Variants in TSHZ2 observed in about 807,000 individuals in gnomAD.
The protein encoded by TSHZ2 is teashirt zinc finger homeobox 2, also known as teashirt homolog 2.
Under a neutral mutation model 74.4 loss-of-function variants are expected in TSHZ2, and 21 were observed. The observed-to-expected ratio is 0.28, with a 90% CI of 0.20 to 0.41. The LOEUF (loss-of-function observed/expected upper bound fraction) is 0.41, where lower values mean the gene tolerates loss of function less well. Among genes scored for constraint, TSHZ2 ranks in the 10% least tolerant of loss-of-function variants. TSHZ2 has a pLI of 1.00. For missense variants in TSHZ2, 1,244 were observed against 1,293.5 expected (o/e 0.96, Z 0.59); for synonymous variants, 540 against 515.3 (o/e 1.05, Z -0.65).
intron 2 of TSHZ2, among the ~76,000 whole-genome samples, chr20:53,356,266 T>A (rs1252600518): frequency 6.6e-6 from 1 of 152,142 alleles, no homozygotes; most frequent in East Asian, 1.9e-4. Context: ...GTAAGGAAAG[T>A]GAGATACAAA....
At chr20:53,278,945 A>G (rs1990998494) in intron 2 of TSHZ2, among the ~76,000 whole-genome samples, 1 of 152,252 alleles carries the variant, frequency 6.6e-6, no homozygotes, top group African/African-American at 2.4e-5. Flanking sequence ...ATTGTTGACC[A>G]GAAGCCTTAC....
At chr20:53,238,371 AG>A (rs1213508082) in intron 1 of TSHZ2, among the ~76,000 whole-genome samples, 1 of 152,156 alleles carries the variant, frequency 6.6e-6, no homozygotes, top group Non-Finnish European at 1.5e-5. Flanking sequence ...GTGAGGACCA[AG>A]GGGGCAGAAT....
intron 2 of TSHZ2, among the ~76,000 whole-genome samples, chr20:53,305,363 C>A (rs1978486939): frequency 1.3e-5 from 2 of 152,176 alleles, no homozygotes; most frequent in African/African-American, 4.8e-5. Flanking sequence ...CGGTAGAAGG[C>A]ACAGTCAGCT....
chr20:53,454,364 C>A (rs866773747), intron 2 of TSHZ2, among the ~76,000 whole-genome samples: 7 of 152,018 alleles, frequency 4.6e-5, no homozygotes, highest in African/African-American at 1.7e-4. Context: ...GATTTTGAGA[C>A]CAGCCTGGCC....
At chr20:53,343,642 T>C (rs1980312210) in intron 2 of TSHZ2, among the ~76,000 whole-genome samples, 1 of 152,168 alleles carries the variant, frequency 6.6e-6, no homozygotes, top group South Asian at 2.1e-4. Context: ...TTCATATCAG[T>C]GGCAGTACTG....
chr20:53,405,369 T>C (rs954264362), intron 2 of TSHZ2, among the ~76,000 whole-genome samples: 2 of 152,116 alleles, frequency 1.3e-5, no homozygotes, highest in Non-Finnish European at 2.9e-5. Context: ...TCTATTAGGA[T>C]TGTGTGGGCA....
intron 2 of TSHZ2, among the ~76,000 whole-genome samples, chr20:53,349,531 A>G (rs1408558510): frequency 2.0e-5 from 3 of 151,954 alleles, no homozygotes; most frequent in African/African-American, 7.3e-5. Flanking sequence ...ATGCACTTGT[A>G]GTCCCAGCTA....
At chr20:53,220,727 A>G (rs945521597) in intron 1 of TSHZ2, among the ~76,000 whole-genome samples, 1 of 152,100 alleles carries the variant, frequency 6.6e-6, no homozygotes, top group Non-Finnish European at 1.5e-5. Flanking sequence ...ATCCTGTGGC[A>G]CCTTGTAGGG....
rs191506017 is a variant in TSHZ2 at position 53,295,035 on chromosome 20, A to G, written c.*8+38464A>G. 2.6e-5 allele frequency among the ~76,000 whole-genome samples: 4 copies of G among 152,278 alleles called. No homozygotes were observed. In the East Asian group the frequency reaches 7.7e-4, roughly 29 times the overall value. ...GAGGATTGCAGTATTTATGAACATC[A>G]TCTTGTTACTTTCCATTTAGTACAT... is the stretch of plus-strand genomic sequence containing the variant. On this transcript the variant is annotated intron_variant, in intron 2 of 2. Coordinates refer to ENST00000371497, the MANE Select transcript of TSHZ2 (RefSeq NM_173485.6).
At position 53,460,844 on chromosome 20, in the gene TSHZ2, C is replaced by G. The variant is rs556281005; in HGVS notation, c.*9-26300C>G. Among the ~76,000 whole-genome samples the G allele has an allele frequency of 2.1e-4, 32 of 152,302 alleles. No individual in the cohort carries two copies. In the East Asian group the frequency reaches 2.3e-3, roughly 11 times the overall value. On this transcript the variant is annotated intron_variant, in intron 2 of 2. Coordinates refer to ENST00000371497, the MANE Select transcript of TSHZ2 (RefSeq NM_173485.6). ...AGTGTGCCCCTGCTGGGGGGTGCCT[C>G]CCAGTTAGGCTGCTCGGGGGTCAGG...
At chr20:53,037,055 G>A (rs149929628) in intron 1 of TSHZ2, among the ~76,000 whole-genome samples, 19 of 152,140 alleles carry the variant, frequency 1.2e-4, no homozygotes, top group Non-Finnish European at 1.2e-4. Context: ...TCCTCCTAAT[G>A]TTGCATTTAT....
chr20:53,144,735 A>G (rs773343493), intron 1 of TSHZ2, among the ~76,000 whole-genome samples: 1 of 152,128 alleles, frequency 6.6e-6, no homozygotes, highest in Non-Finnish European at 1.5e-5. Context: ...TCCAAATACT[A>G]TATATACTAT....
intron 2 of TSHZ2, among the ~76,000 whole-genome samples, chr20:53,379,783 G>A (rs1169968746): frequency 6.6e-6 from 1 of 152,140 alleles, no homozygotes; most frequent in Non-Finnish European, 1.5e-5. Context: ...AAAAAAAATG[G>A]CTTTCTTCCA....
At chr20:53,025,289 A>G (rs781466144) in intron 1 of TSHZ2, among the ~76,000 whole-genome samples, 7 of 152,196 alleles carry the variant, frequency 4.6e-5, no homozygotes, top group Non-Finnish European at 7.3e-5. Flanking sequence ...AATATGGTTC[A>G]TAATTTTTGA....
chr20:53,167,876 T>C (rs1011860245), intron 1 of TSHZ2, among the ~76,000 whole-genome samples: 2 of 152,190 alleles, frequency 1.3e-5, no homozygotes, highest in Non-Finnish European at 2.9e-5. Flanking sequence ...GAAGACAAAG[T>C]TGAACATGTG....
At chr20:52,977,170 G>A (rs1981372985) in intron 1 of TSHZ2, among the ~76,000 whole-genome samples, 1 of 152,052 alleles carries the variant, frequency 6.6e-6, no homozygotes, top group African/African-American at 2.4e-5. Flanking sequence ...TAACCGGTGA[G>A]GTCCCAGAAA....
chr20:53,416,955 TAA>T (rs1277516553), intron 2 of TSHZ2, among the ~76,000 whole-genome samples: 1 of 152,218 alleles, frequency 6.6e-6, no homozygotes, highest in Non-Finnish European at 1.5e-5. Context: ...GACAGAAGAC[TAA>T]AAGTTTTGGA....
At chr20:52,974,287 G>C (rs1304395585) in intron 1 of TSHZ2, among the ~76,000 whole-genome samples, 1 of 151,980 alleles carries the variant, frequency 6.6e-6, no homozygotes, top group African/African-American at 2.4e-5. Context: ...ACATTTGATT[G>C]ATCACCTGTC....
At chr20:53,058,153 C>T (rs372744521) in intron 1 of TSHZ2, among the ~76,000 whole-genome samples, 34 of 152,152 alleles carry the variant, frequency 2.2e-4, no homozygotes, top group African/African-American at 8.0e-4. Flanking sequence ...GCAGATCTGA[C>T]AGGAGGCTCA....
Sources: gnomAD v4.1 joint callset for allele counts (sites outside exome capture counted in the v4.1 genomes callset) on GRCh38, gnomAD v4.1.1 for gene constraint, MANE v1.5 for transcripts, NCBI Gene and HGNC (gene_info 2026-07-23, HGNC 2026-07-21) for gene names.